Variants in PSORS1C1 observed in about 807,000 individuals in gnomAD.
PSORS1C1 encodes the protein psoriasis susceptibility 1 candidate 1.
A neutral mutation model predicts 9.4 loss-of-function variants in PSORS1C1; 7 were observed. That is an observed-to-expected ratio of 0.75 (90% confidence interval 0.42 to 1.40). The LOEUF (loss-of-function observed/expected upper bound fraction) is 1.40, where lower values mean the gene tolerates loss of function less well. Among genes scored for constraint, PSORS1C1 ranks in the 40% most tolerant of loss-of-function variants. PSORS1C1 has a pLI of 0.01. For synonymous variants in PSORS1C1, 63 were observed against 69.4 expected (o/e 0.91, Z 0.46); for missense variants, 146 against 178.1 (o/e 0.82, Z 1.02).
intron 2 of PSORS1C1, among the ~76,000 whole-genome samples, chr6:31,127,690 T>G (rs1184631705): frequency 6.6e-6 from 1 of 151,764 alleles, no homozygotes; most frequent in Non-Finnish European, 1.5e-5. Context: ...GGTGAACACT[T>G]GTAATCCCAG....
intron 3 of PSORS1C1, among the ~76,000 whole-genome samples, chr6:31,131,477 A>G (rs1035325012): frequency 6.6e-6 from 1 of 151,968 alleles, no homozygotes; most frequent in Non-Finnish European, 1.5e-5. Flanking sequence ...GGTGCCTGTA[A>G]TCCCAGCCAT....
At position 31,116,994 on chromosome 6, in the gene PSORS1C1, A is replaced by G. The variant is rs770836669; in HGVS notation, c.-229+2103A>G. ...GCTGGTTGGAGCTGACGCTTTGGCC[A>G]CTGCTGGATACCCCAAAGGTCTGGG... On this transcript the variant is annotated intron_variant, in intron 1 of 5. Coordinates refer to ENST00000259881, the MANE Select transcript of PSORS1C1 (RefSeq NM_014068.3). The G allele has an allele frequency of 1.7e-5, 27 of 1,614,090 alleles. No homozygotes were observed. The African/African-American group carries it at 3.6e-4, about 22-fold the overall frequency.
At chr6:31,130,136 A>G (rs1457787339) in intron 3 of PSORS1C1, among the ~76,000 whole-genome samples, 1 of 148,396 alleles carries the variant, frequency 6.7e-6, no homozygotes, top group Non-Finnish European at 1.5e-5. Flanking sequence ...TTTCCTCCTA[A>G]CTAATTCCAC....
Position 31,115,903 on chromosome 6 carries a change from C to T in PSORS1C1, c.-229+1012C>T. On this transcript the variant is annotated intron_variant, in intron 1 of 5. Transcript: ENST00000259881. The surrounding 1 kb of genome is among the most constrained non-coding windows in gnomAD (Gnocchi z 4.2). The stretch of plus-strand genomic sequence containing the variant: ...TGGGGTAGTGGAGAAAGCAGAACCA[C>T]TCTTTTGGGAAGGAGGGAAACTGAG... 1 of 857,614 alleles carries T rather than the reference C, an allele frequency of 1.2e-6. No homozygotes were observed. Among genetic ancestry groups the T allele is most frequent in the South Asian group, 1.5e-5 (1 of 66,974 alleles). 53.1% of individuals were successfully genotyped at this position (857,614 alleles called of 1,614,324 possible).
rs1772778221 is a variant in PSORS1C1, at chr6:31,128,518, A to G, written c.-64-1051A>G. Among the ~76,000 whole-genome samples the G allele has an allele frequency of 6.6e-6, 1 of 152,076 alleles. No homozygotes were observed. Among genetic ancestry groups the G allele is most frequent in the African/African-American group, 2.4e-5 (1 of 41,388 alleles). Reference sequence around the variant, plus strand: ...GAGTTGAGATTATACTGCAAAAGGAAAGGTGGGGATGGGGTGGGGACTGGG... The same window carrying G: ...GAGTTGAGATTATACTGCAAAAGGAGAGGTGGGGATGGGGTGGGGACTGGG... On this transcript the variant is annotated intron_variant, in intron 2 of 5. Coordinates refer to ENST00000259881, the MANE Select transcript of PSORS1C1 (RefSeq NM_014068.3). This position sits in a 1 kb window ranked among gnomAD's most constrained non-coding sequence, Gnocchi z 4.3.
Position 31,139,172 on chromosome 6 carries a change from A to C in PSORS1C1, c.167+393A>C. The C allele has an allele frequency of 1.5e-6, 1 of 657,342 alleles. No individual in the cohort carries two copies. 40.7% of individuals were successfully genotyped at this position (657,342 alleles called of 1,614,324 possible). On this transcript the variant is annotated intron_variant, in intron 5 of 5. Coordinates refer to ENST00000259881, the MANE Select transcript of PSORS1C1 (RefSeq NM_014068.3). This position sits in a 1 kb window ranked among gnomAD's most constrained non-coding sequence, Gnocchi z 5.2. Reference sequence around the variant, plus strand: ...ACAGAACTGGTCAAACCCGTTGGGAAGGCCTGGGCTGATGTGTCACCCCTG... The same window carrying C: ...ACAGAACTGGTCAAACCCGTTGGGACGGCCTGGGCTGATGTGTCACCCCTG...
At chr6:31,135,856 G>A (rs1351224441) in intron 3 of PSORS1C1, among the ~76,000 whole-genome samples, 1 of 152,030 alleles carries the variant, frequency 6.6e-6, no homozygotes, top group Non-Finnish European at 1.5e-5. Context: ...GGGCAACACG[G>A]TAAAACCCCA....
At position 31,115,232 on chromosome 6, in the gene PSORS1C1, A is replaced by T; in HGVS notation, c.-229+341A>T. ...GGAAGAGCACCACCCAGACTCTCAG[A>T]GGAGACCCAGGACTCCAAGAAGGCA... On this transcript the variant is annotated intron_variant, in intron 1 of 5. Transcript: ENST00000259881. The surrounding 1 kb of genome is among the most constrained non-coding windows in gnomAD (Gnocchi z 4.2). The T allele has an allele frequency of 3.9e-6, 1 of 259,478 alleles. No homozygotes were observed. The highest frequency in any genetic ancestry group is 7.5e-6 in the Non-Finnish European group (1 of 132,876). 16.1% of individuals were successfully genotyped at this position (259,478 alleles called of 1,614,324 possible). A position where few individuals can be genotyped will look rare whatever the true frequency, so the allele number is the denominator to read the frequency against.
intron 2 of PSORS1C1, among the ~76,000 whole-genome samples, chr6:31,127,641 C>G (rs1378516216): frequency 6.6e-6 from 1 of 150,968 alleles, no homozygotes; most frequent in East Asian, 1.9e-4. Flanking sequence ...TGATGAAACC[C>G]CATCTCTACT....
chr6:31,135,236 T>C lies in PSORS1C1; in HGVS notation c.14-3194T>C, dbSNP rs190031190. Among the ~76,000 whole-genome samples, 607 of 152,220 alleles carry C rather than the reference T, an allele frequency of 4.0e-3. 16 individuals carry two copies. In the South Asian group the frequency reaches 0.068, roughly 17 times the overall value. On this transcript the variant is annotated intron_variant, in intron 3 of 5. Coordinates refer to ENST00000259881, the MANE Select transcript of PSORS1C1 (RefSeq NM_014068.3). ...ATCACATCACTATTTATGTATTTAT[T>C]TATTTATTTATTATTTTTGAGATGG...
At chr6:31,116,573 C>T in intron 1 of PSORS1C1, 1 of 1,613,888 alleles carries the variant, frequency 6.2e-7, no homozygotes, top group Non-Finnish European at 8.5e-7. Flanking sequence ...AAGTATTTGC[C>T]CTCAGAGATG....
At chr6:31,138,258 C>A in intron 3 of PSORS1C1, 172 bp from the exon 4 acceptor site, 1 of 1,570,898 alleles carries the variant, frequency 6.4e-7, no homozygotes, top group Admixed American at 1.9e-5. Flanking sequence ...TGCCTCCTCT[C>A]GGTCCTCTGC....
At chr6:31,125,298 CCT>C (rs539489291) in intron 1 of PSORS1C1, among the ~76,000 whole-genome samples, 25 of 152,238 alleles carry the variant, frequency 1.6e-4, no homozygotes, top group African/African-American at 5.8e-4. Context: ...CGTTTCCTCT[CCT>C]CTCTCTTTCT....
rs973984580 is a variant in PSORS1C1 at position 31,139,351 on chromosome 6, A to C, written c.168-290A>C. 5.1e-6 allele frequency: 3 copies of C among 586,522 alleles called. No homozygotes were observed. The African/African-American group carries it at 5.6e-5, about 11-fold the overall frequency. The allele number at this position is 586,522 out of a possible 1,614,324, so 36.3% of individuals were successfully genotyped here. A position where few individuals can be genotyped will look rare whatever the true frequency, so the allele number is the denominator to read the frequency against. Reference sequence around the variant, plus strand: ...ACCCACTTGGCATCTCCGTAATCACAGAGATGTCCACCTTCATCCCTTGCA... The same window carrying C: ...ACCCACTTGGCATCTCCGTAATCACCGAGATGTCCACCTTCATCCCTTGCA... On this transcript the variant is annotated intron_variant, in intron 5 of 5. Coordinates refer to ENST00000259881, the MANE Select transcript of PSORS1C1 (RefSeq NM_014068.3). The surrounding 1 kb of genome is among the most constrained non-coding windows in gnomAD (Gnocchi z 5.2).
rs186950304 is a variant in PSORS1C1 at position 31,131,387 on chromosome 6, T to C, written c.13+1742T>C. ...GGCTGGTGGATCACGAGGTCGGGAG[T>C]TCAAGACCAGCCTGGCCAACATGGT... is the stretch of plus-strand genomic sequence containing the variant. On this transcript the variant is annotated intron_variant, in intron 3 of 5. Transcript: ENST00000259881. Among the ~76,000 whole-genome samples the C allele has an allele frequency of 2.7e-5, 4 of 150,528 alleles. No homozygotes were observed. The East Asian group carries it at 7.8e-4, about 29-fold the overall frequency.
Position 31,128,094 on chromosome 6 carries a change from T to C in PSORS1C1, c.-64-1475T>C, listed in dbSNP as rs1326658017. Among the ~76,000 whole-genome samples the C allele has an allele frequency of 6.6e-6, 1 of 152,220 alleles. No individual in the cohort carries two copies. Among genetic ancestry groups the C allele is most frequent in the African/African-American group, 2.4e-5 (1 of 41,466 alleles). The stretch of plus-strand genomic sequence containing the variant: ...GTGAGGTCCACTTGGACAGGCAGCC[T>C]GTGCCTGAATTTTCCTGAGGGCTTC... On this transcript the variant is annotated intron_variant, in intron 2 of 5. Transcript: ENST00000259881. This position sits in a 1 kb window ranked among gnomAD's most constrained non-coding sequence, Gnocchi z 4.3.
intron 1 of PSORS1C1, among the ~76,000 whole-genome samples, chr6:31,119,417 G>A (rs550933355): frequency 2.6e-5 from 4 of 152,172 alleles, no homozygotes; most frequent in Non-Finnish European, 5.9e-5. Context: ...AATTCCTCAA[G>A]GGCTATAAGT....
Position 31,139,706 on chromosome 6 carries a change from G to A in PSORS1C1, c.233G>A (p.Cys78Tyr), listed in dbSNP as rs945432472. The A allele has an allele frequency of 6.2e-7, 1 of 1,613,042 alleles. No individual in the cohort carries two copies. Among genetic ancestry groups the A allele is most frequent in the South Asian group, 1.1e-5 (1 of 91,082 alleles). The change falls in exon 6 of 6, where the codon TGC becomes TAC. Residue 78 changes from cysteine to tyrosine, a missense_variant. Physicochemically the swap from Cys to Tyr is radical, Grantham distance 194. Coordinates refer to ENST00000259881, the MANE Select transcript of PSORS1C1 (RefSeq NM_014068.3). This position sits in a 1 kb window ranked among gnomAD's most constrained non-coding sequence, Gnocchi z 5.2. Reference protein sequence around the residue: ...EFHLAATQDDCRKGRTQEDIL... With the variant: ...EFHLAATQDDYRKGRTQEDIL... ...CATCTGGCAGCCACCCAGGATGACT[G>A]CAGAAAAGGAAGGACACAGGAGGAT...
chr6:31,115,872 C>T lies in PSORS1C1; in HGVS notation c.-229+981C>T. 2 of 656,146 alleles carry T rather than the reference C, an allele frequency of 3.0e-6. No homozygotes were observed. Among genetic ancestry groups the T allele is most frequent in the Non-Finnish European group, 5.4e-6 (2 of 368,902 alleles). The allele number at this position is 656,146 out of a possible 1,614,324, so 40.6% of individuals were successfully genotyped here. ...GGAAGGGGTGATAAGAGAGAGTCTG[C>T]AACCTTGGGGTAGTGGAGAAAGCAG... On this transcript the variant is annotated intron_variant, in intron 1 of 5. Coordinates refer to ENST00000259881, the MANE Select transcript of PSORS1C1 (RefSeq NM_014068.3). This position sits in a 1 kb window ranked among gnomAD's most constrained non-coding sequence, Gnocchi z 4.2.
Sources: allele counts gnomAD v4.1 joint callset (sites outside exome capture counted in the v4.1 genomes callset), GRCh38; gene constraint gnomAD v4.1.1; non-coding constraint Gnocchi (gnomAD v3.1); transcripts MANE v1.5; gene names NCBI Gene and HGNC (gene_info 2026-07-23, HGNC 2026-07-21).